The following SYCP1 variants were observed in gnomAD, a reference collection of about 807,000 sequenced individuals.
SYCP1 encodes the protein synaptonemal complex protein 1, also known as cancer/testis antigen 8.
Under a neutral mutation model 153.1 loss-of-function variants are expected in SYCP1, and 64 were observed. The observed-to-expected ratio is 0.42, with a 90% CI of 0.34 to 0.51. The LOEUF (loss-of-function observed/expected upper bound fraction) is 0.51. SYCP1 is among the 20% of genes least tolerant of loss of function. SYCP1 has a pLI of 0.06. For missense variants in SYCP1, 997 were observed against 1,049.0 expected (o/e 0.95, Z 0.68); for synonymous variants, 384 against 341.8 (o/e 1.12, Z -1.36).
intron 20 of SYCP1, among the ~76,000 whole-genome samples, chr1:114,922,465 T>C (rs1668958172): frequency 6.6e-6 from 1 of 152,076 alleles, no homozygotes. Context: ...ATTTTACTCA[T>C]GGTAGAAAGC....
intron 20 of SYCP1, among the ~76,000 whole-genome samples, chr1:114,919,573 A>G (rs1475432633): frequency 2.0e-5 from 3 of 151,918 alleles, no homozygotes; most frequent in African/African-American, 7.3e-5. Context: ...TTTCTGTAGG[A>G]TTGATATTAA....
At chr1:114,951,079 C>T (rs1671078330) in intron 27 of SYCP1, among the ~76,000 whole-genome samples, 1 of 152,126 alleles carries the variant, frequency 6.6e-6, no homozygotes, top group Non-Finnish European at 1.5e-5. Context: ...CCGCCTCAGC[C>T]CCCCAAAGTG....
chr1:114,906,553 T>C (rs1371743761), intron 16 of SYCP1, among the ~76,000 whole-genome samples: 2 of 152,164 alleles, frequency 1.3e-5, no homozygotes, highest in Admixed American at 6.5e-5. Flanking sequence ...AATTTTTATG[T>C]GTTGTATTCT....
At chr1:114,918,537 G>T (rs1311152438) in intron 20 of SYCP1, among the ~76,000 whole-genome samples, 2 of 152,000 alleles carry the variant, frequency 1.3e-5, no homozygotes, top group African/African-American at 4.8e-5. Flanking sequence ...AATGTCATTG[G>T]TATTTTGATA....
chr1:114,941,112 C>T (rs753508830), intron 23 of SYCP1, among the ~76,000 whole-genome samples: 30 of 152,132 alleles, frequency 2.0e-4, no homozygotes, highest in South Asian at 1.9e-3. Context: ...CCTAGTCAGC[C>T]CTGTGGAACC....
intron 28 of SYCP1, among the ~76,000 whole-genome samples, chr1:114,981,082 G>T (rs1305581912): frequency 6.6e-6 from 1 of 151,854 alleles, no homozygotes; most frequent in Non-Finnish European, 1.5e-5. Flanking sequence ...ACGACCTCCA[G>T]GATATCTTAT....
chr1:114,966,756 C>T (rs1350074693), intron 27 of SYCP1, among the ~76,000 whole-genome samples: 1 of 151,428 alleles, frequency 6.6e-6, no homozygotes, highest in Non-Finnish European at 1.5e-5. Flanking sequence ...GCCATCTTGA[C>T]TCACTGCAAC....
At chr1:114,926,168 T>G (rs746126817) in intron 21 of SYCP1, 110 bp from the exon 22 acceptor site, 9 of 786,776 alleles carry the variant, frequency 1.1e-5, no homozygotes, top group Non-Finnish European at 1.6e-5. Context: ...ATTACCATGA[T>G]TTTGAAGTGA....
At chr1:114,993,823 A>G (rs1171888741) in intron 30 of SYCP1, among the ~76,000 whole-genome samples, 1 of 151,418 alleles carries the variant, frequency 6.6e-6, no homozygotes, top group African/African-American at 2.4e-5. Context: ...ACCACCATCC[A>G]GCTCCATAAC....
chr1:114,854,679 C>T (rs975133995), upstream of SYCP1: 2 of 152,224 alleles, frequency 1.3e-5, no homozygotes, highest in Non-Finnish European at 2.9e-5. Context: ...TGTCATAGAG[C>T]CTGACAGTTT....
intron 29 of SYCP1, among the ~76,000 whole-genome samples, chr1:114,982,184 A>C (rs548028903): frequency 5.4e-4 from 82 of 152,070 alleles, no homozygotes; most frequent in African/African-American, 1.7e-3. Context: ...TGCTGCCTAC[A>C]TTCATATCTA....
chr1:114,983,443 T>G (rs1223535862), intron 29 of SYCP1, among the ~76,000 whole-genome samples: 1 of 151,996 alleles, frequency 6.6e-6, no homozygotes, highest in African/African-American at 2.4e-5. Flanking sequence ...ATTTTTTCAC[T>G]AGTGAGCCCT....
In SYCP1 at chr1:114,946,284, T is replaced by C; in HGVS notation, c.2155-5T>C. ...TATCTAAAATGTCTTCTTTGTTTAA[T>C]ATAGCACCAATATGATAAGATCATT... On this transcript the variant is annotated splice_region_variant and splice_polypyrimidine_tract_variant and intron_variant, in intron 25 of 31. Transcript: ENST00000369522. 1 of 1,536,654 alleles carries C rather than the reference T, an allele frequency of 6.5e-7. No individual in the cohort carries two copies. The highest frequency in any genetic ancestry group is 8.8e-7 in the Non-Finnish European group (1 of 1,137,072).
intron 23 of SYCP1, among the ~76,000 whole-genome samples, chr1:114,928,153 A>C (rs951376056): frequency 5.3e-5 from 8 of 152,200 alleles, no homozygotes; most frequent in African/African-American, 1.9e-4. Context: ...AAATTTCTCA[A>C]AAATTTATCA....
intron 10 of SYCP1, among the ~76,000 whole-genome samples, chr1:114,876,411 G>T (rs1259852177): frequency 6.6e-6 from 1 of 150,434 alleles, no homozygotes. Context: ...TACATATCTT[G>T]GTATAGTATG....
intron 8 of SYCP1, among the ~76,000 whole-genome samples, chr1:114,872,326 T>C (rs909535366): frequency 5.9e-5 from 9 of 152,230 alleles, no homozygotes; most frequent in African/African-American, 2.2e-4. Context: ...TACAGAATTC[T>C]GTGTTGCTGG....
chr1:114,961,440 A>G (rs1380185325), intron 27 of SYCP1, among the ~76,000 whole-genome samples: 2 of 152,028 alleles, frequency 1.3e-5, no homozygotes, highest in African/African-American at 2.4e-5. Context: ...TAGATTGTCT[A>G]TTTGTGCTCT....
intron 27 of SYCP1, among the ~76,000 whole-genome samples, chr1:114,975,826 A>C (rs2101928981): frequency 6.6e-6 from 1 of 151,924 alleles, no homozygotes; most frequent in African/African-American, 2.4e-5. Flanking sequence ...TGATATGGAG[A>C]GAGAGATTCA....
chr1:114,955,414 A>G (rs182941958), intron 27 of SYCP1, among the ~76,000 whole-genome samples: 1 of 152,314 alleles, frequency 6.6e-6, no homozygotes. Context: ...TTATGATATC[A>G]TGAGTCTGGA....
Sources: allele counts gnomAD v4.1 joint callset (sites outside exome capture counted in the v4.1 genomes callset), GRCh38; gene constraint gnomAD v4.1.1; transcripts MANE v1.5; gene names NCBI Gene and HGNC (gene_info 2026-07-23, HGNC 2026-07-21).